The following CAND2 variants were observed in gnomAD, a reference collection of about 807,000 sequenced individuals.
The protein encoded by CAND2 is cullin-associated NEDD8-dissociated protein 2.
A neutral mutation model predicts 98.9 loss-of-function variants in CAND2; 62 were observed. The observed-to-expected ratio is 0.63, with a 90% confidence interval of 0.51 to 0.77. The LOEUF (loss-of-function observed/expected upper bound fraction) is 0.77. Among genes scored for constraint, CAND2 ranks in the 30% least tolerant of loss-of-function variants. CAND2 has a pLI of 0.00. For missense variants in CAND2, 1,501 were observed against 1,655.2 expected (o/e 0.91, Z 1.62); for synonymous variants, 770 against 731.9 (o/e 1.05, Z -0.84).
At chr3:12,802,651 T>C (rs1296120234) in intron 1 of CAND2, among the ~76,000 whole-genome samples, 2 of 152,238 alleles carry the variant, frequency 1.3e-5, no homozygotes, top group Non-Finnish European at 1.5e-5. Flanking sequence ...GTCACACATA[T>C]GTGGGTCTCC....
At chr3:12,799,715 A>G (rs2061752911) in intron 1 of CAND2, among the ~76,000 whole-genome samples, 1 of 152,194 alleles carries the variant, frequency 6.6e-6, no homozygotes, top group African/African-American at 2.4e-5. Context: ...CAGTGAGTGT[A>G]CAGTCCAATG....
chr3:12,833,977 A>G lies in CAND2; in HGVS notation c.3706A>G (p.Ser1236Gly). The G allele has an allele frequency of 6.2e-7, 1 of 1,613,402 alleles. No individual in the cohort carries two copies. Among genetic ancestry groups the G allele is most frequent in the Non-Finnish European group, 8.5e-7 (1 of 1,179,372 alleles). The change falls in exon 15 of 15, where the codon AGC becomes GGC. Residue 1236 changes from serine to glycine, a missense_variant. By Grantham distance (56) the Ser-to-Gly change is moderately conservative. Around this residue, in one of 3 missense-constraint regions of CAND2, gnomAD observed 1,427 missense variants for 1,545.3 expected, o/e 0.92. Transcript: ENST00000456430. Reference protein sequence around the residue: ...SAPSTDSMELS With the variant: ...SAPSTDSMELG ...CCCCAGCACAGACTCAATGGAGCTC[A>G]GCTAGTCCCCTCAGCACCAAGGTGG...
Position 12,813,399 on chromosome 3 carries a change from A to T in CAND2, c.1006+11A>T. 1 of 1,611,234 alleles carries T rather than the reference A, an allele frequency of 6.2e-7. No individual in the cohort carries two copies. Among genetic ancestry groups the T allele is most frequent in the Non-Finnish European group, 8.5e-7 (1 of 1,178,576 alleles). ...AATTCAGTGAGCAAGGTTGGTGGACAGCCCATCATTGGGGTTGGAGGGTGG... is the reference window on the plus strand; with the variant it reads ...AATTCAGTGAGCAAGGTTGGTGGACTGCCCATCATTGGGGTTGGAGGGTGG... On this transcript the variant is annotated intron_variant, in intron 7 of 14. Coordinates refer to ENST00000456430, the MANE Select transcript of CAND2 (RefSeq NM_001162499.2).
In CAND2 at chr3:12,808,225, CCAA is replaced by C. The variant is rs1383759116; in HGVS notation, c.385_387del (p.Asn129del). 2 of 1,551,192 alleles carry C rather than the reference CCAA, an allele frequency of 1.3e-6. No homozygotes were observed. Among genetic ancestry groups the C allele is most frequent in the East Asian group, 2.4e-5 (1 of 40,908 alleles). On this transcript the variant is annotated inframe_deletion, in exon 4 of 15. Coordinates refer to ENST00000456430, the MANE Select transcript of CAND2 (RefSeq NM_001162499.2). Reference sequence around the variant, plus strand: ...CCCTGTGCAGGCTCCGGGCTGGCCACCAACGTGTGCCGGAAGATCACAGGCCAG... The same window carrying C: ...CCCTGTGCAGGCTCCGGGCTGGCCACCGTGTGCCGGAAGATCACAGGCCAG...
chr3:12,800,475 C>G (rs931541898), intron 1 of CAND2, among the ~76,000 whole-genome samples: 2 of 152,168 alleles, frequency 1.3e-5, no homozygotes, highest in Non-Finnish European at 1.5e-5. Context: ...TCAGTAAAAG[C>G]TGGAGGCTTT....
intron 11 of CAND2, among the ~76,000 whole-genome samples, 176 bp downstream of exon 11, chr3:12,820,357 T>A (rs1181821640): frequency 6.6e-6 from 1 of 152,186 alleles, no homozygotes; most frequent in Non-Finnish European, 1.5e-5. Flanking sequence ...ATCCCTGCCT[T>A]CCTACTGCCA....
chr3:12,808,416 T>C, intron 4 of CAND2, 83 bp downstream of exon 4: 1 of 1,441,728 alleles, frequency 6.9e-7, no homozygotes, highest in South Asian at 1.3e-5. Flanking sequence ...TAGCACCTAC[T>C]GCACACCAGG....
Position 12,833,832 on chromosome 3 carries a change from C to T in CAND2, c.3561C>T (p.Ala1187=), listed in dbSNP as rs767956611. The part of the protein sequence containing the change: ...LKRSAMRAVA[A]LLTIPEVGKS... ...GCTCTGCAATGAGGGCAGTGGCTGC[C>T]CTGCTGACCATCCCCGAGGTGGGGA... Residue 1187 remains alanine, a synonymous_variant, in exon 15 of 15, where the codon GCC becomes GCT. Transcript: ENST00000456430. The T allele has an allele frequency of 1.1e-5, 18 of 1,614,060 alleles. No individual in the cohort carries two copies. In the African/African-American group the frequency reaches 1.6e-4, roughly 14 times the overall value.
At chr3:12,809,947 T>G (rs2061836906) in intron 4 of CAND2, 112 bp from the exon 5 acceptor site, 322 of 1,210,342 alleles carry the variant, frequency 2.7e-4, no homozygotes, top group Non-Finnish European at 3.3e-4. Flanking sequence ...CAAGGGCCAT[T>G]GAGTTGCCAT....
intron 12 of CAND2, 108 bp from the exon 13 acceptor site, chr3:12,827,332 T>C: frequency 9.3e-7 from 1 of 1,074,928 alleles, no homozygotes; most frequent in Non-Finnish European, 1.4e-6. Flanking sequence ...AAGGCACGAT[T>C]TGGGGCTGGC....
At chr3:12,801,729 C>T (rs772918050) in intron 1 of CAND2, among the ~76,000 whole-genome samples, 4 of 152,200 alleles carry the variant, frequency 2.6e-5, no homozygotes, top group African/African-American at 7.2e-5. Flanking sequence ...ATCAGCATGG[C>T]GTGGGGCAGT....
At chr3:12,831,643 C>T in intron 14 of CAND2, 71 bp downstream of exon 14, 1 of 943,820 alleles carries the variant, frequency 1.1e-6, no homozygotes, top group Non-Finnish European at 1.6e-6. Flanking sequence ...CGTTCAGTTA[C>T]CCTTACTGAG....
intron 1 of CAND2, among the ~76,000 whole-genome samples, chr3:12,801,039 T>A (rs866328243): frequency 0.088 from 12,599 of 143,902 alleles, 897 homozygotes; most frequent in African/African-American, 0.21. Context: ...TCAGTATTTT[T>A]TTTTTTTTTT....
chr3:12,827,381 G>A (rs2062012319), intron 12 of CAND2, 59 bp from the exon 13 acceptor site: 1 of 1,508,222 alleles, frequency 6.6e-7, no homozygotes, highest in African/African-American at 1.4e-5. Context: ...TGTAGCAGAA[G>A]CTAGAAGAGG....
At position 12,813,518 on chromosome 3, in the gene CAND2, CCCA is replaced by C; in HGVS notation, c.1006+133_1006+135del. The C allele has an allele frequency of 4.7e-6, 4 of 853,922 alleles. No homozygotes were observed. In the South Asian group the frequency reaches 7.1e-5, roughly 15 times the overall value. 52.9% of individuals were successfully genotyped at this position (853,922 alleles called of 1,614,324 possible). On this transcript the variant is annotated intron_variant, in intron 7 of 14. Transcript: ENST00000456430. Reference sequence around the variant, plus strand: ...TGCCAGCTCTTTCTCAAGCTCCAGTCCCACCCGCTGTGACTGCACAGACCACAG... The same window carrying C: ...TGCCAGCTCTTTCTCAAGCTCCAGTCCCCGCTGTGACTGCACAGACCACAG...
rs763849775 is a variant in CAND2 at position 12,803,540 on chromosome 3, C to T, written c.121C>T (p.Leu41=). The change falls in exon 2 of 15, where the codon CTG becomes TTG. Residue 41 remains leucine, a synonymous_variant. Transcript: ENST00000456430. ...MSELQKDSIQ[L]DEDSERKVVK... is the part of the protein sequence containing the mutation. ...GGAGTTGCAGAAGGACTCCATCCAG[C>T]TGGACGAGGACAGCGAGCGCAAGGT... 28 of 1,613,568 alleles carry T rather than the reference C, an allele frequency of 1.7e-5. No individual in the cohort carries two copies. Among genetic ancestry groups the T allele is most frequent in the Non-Finnish European group, 2.3e-5 (27 of 1,179,750 alleles).
At chr3:12,824,980 T>A (rs1008314943) in intron 11 of CAND2, among the ~76,000 whole-genome samples, 2 of 152,216 alleles carry the variant, frequency 1.3e-5, no homozygotes, top group Non-Finnish European at 2.9e-5. Flanking sequence ...CTGGTGACTC[T>A]GTGTAAGTTT....
Position 12,796,796 on chromosome 3 carries a change from C to A in CAND2, c.68+8C>A, listed in dbSNP as rs1345395683. On this transcript the variant is annotated splice_region_variant and intron_variant, in intron 1 of 14. Transcript: ENST00000456430. ...CAGCGACAAGGACTTCAGGTGCAGCCCGCCGCCGGCCCCCTTCTCTCCTTC... is the reference window on the plus strand; with the variant it reads ...CAGCGACAAGGACTTCAGGTGCAGCACGCCGCCGGCCCCCTTCTCTCCTTC... 6.4e-7 allele frequency: 1 copy of A among 1,570,264 alleles called. No homozygotes were observed. The highest frequency in any genetic ancestry group is 8.6e-7 in the Non-Finnish European group (1 of 1,156,352).
chr3:12,817,702 G>T lies in CAND2; in HGVS notation c.2770G>T (p.Ala924Ser), dbSNP rs535600025. ...GCACTCACTCAGGGAGGCCCTGGGGGCCGCCCAGCCTGACAGCCTGAAGCC... is the reference window on the plus strand; with the variant it reads ...GCACTCACTCAGGGAGGCCCTGGGGTCCGCCCAGCCTGACAGCCTGAAGCC... Reference protein sequence around the residue: ...LLHSLREALGAAQPDSLKPYA... With the variant: ...LLHSLREALGSAQPDSLKPYA... The change falls in exon 10 of 15, where the codon GCC (alanine) becomes TCC (serine). Residue 924 changes from alanine (A) to serine (S), a missense_variant. Around this residue, in one of 3 missense-constraint regions of CAND2, gnomAD observed 1,427 missense variants for 1,545.3 expected, o/e 0.92. Transcript: ENST00000456430. The T allele has an allele frequency of 1.9e-6, 3 of 1,597,080 alleles. No homozygotes were observed. Among genetic ancestry groups the T allele is most frequent in the South Asian group, 2.3e-5 (2 of 88,486 alleles).
Sources: gnomAD v4.1 joint callset for allele counts (sites outside exome capture counted in the v4.1 genomes callset) on GRCh38, gnomAD v4.1.1 for gene constraint, gnomAD v4.1.1 regional missense constraint, MANE v1.5 for transcripts, NCBI Gene and HGNC (gene_info 2026-07-23, HGNC 2026-07-21) for gene names.